The following ARAP2 variants were observed in gnomAD, a reference collection of about 807,000 sequenced individuals.
ARAP2 encodes the protein arf-GAP with Rho-GAP domain, ANK repeat and PH domain-containing protein 2.
In ARAP2, 148 loss-of-function variants were observed where a neutral mutation model predicts 194.5. The observed-to-expected ratio is 0.76, with a 90% CI of 0.67 to 0.87. The LOEUF (loss-of-function observed/expected upper bound fraction) is 0.87. Among genes scored for constraint, ARAP2 ranks in the 40% least tolerant of loss-of-function variants. The pLI is 0.00. For missense variants in ARAP2, 2,128 were observed against 1,989.7 expected (o/e 1.07, Z -1.32); for synonymous variants, 695 against 683.5 (o/e 1.02, Z -0.26).
intron 11 of ARAP2, among the ~76,000 whole-genome samples, chr4:36,163,009 C>T (rs982726493): frequency 1.6e-4 from 24 of 152,102 alleles, no homozygotes; most frequent in East Asian, 1.9e-4. Flanking sequence ...AGGGGAACAA[C>T]GATGGCTCCA....
At chr4:36,082,319 T>A in intron 29 of ARAP2, 33 bp from the exon 30 acceptor site, 1 of 1,587,430 alleles carries the variant, frequency 6.3e-7, no homozygotes, top group Non-Finnish European at 8.6e-7. Flanking sequence ...CACACATAAA[T>A]TAAAAATAAT....
intron 21 of ARAP2, among the ~76,000 whole-genome samples, chr4:36,127,358 T>C (rs547786184): frequency 7.9e-5 from 12 of 152,160 alleles, no homozygotes; most frequent in Admixed American, 3.9e-4. Context: ...CCTACTGATT[T>C]GAGAAACATT....
At chr4:36,170,077 C>A (rs1476039684) in intron 9 of ARAP2, among the ~76,000 whole-genome samples, 1 of 152,168 alleles carries the variant, frequency 6.6e-6, no homozygotes, top group Admixed American at 6.5e-5. Flanking sequence ...TAGATACTCA[C>A]AAAAATTACC....
At chr4:36,111,968 T>C (rs944706804) in intron 26 of ARAP2, among the ~76,000 whole-genome samples, 3 of 152,076 alleles carry the variant, frequency 2.0e-5, no homozygotes, top group African/African-American at 7.2e-5. Context: ...TATCAAACTT[T>C]TAAAAAGCAA....
At chr4:36,242,696 G>A (rs1481165781) in intron 1 of ARAP2, among the ~76,000 whole-genome samples, 1 of 152,224 alleles carries the variant, frequency 6.6e-6, no homozygotes, top group African/African-American at 2.4e-5. Flanking sequence ...AGAAAAACAA[G>A]AATTTGTTTT....
At chr4:36,204,391 A>C (rs1745078802) in intron 6 of ARAP2, among the ~76,000 whole-genome samples, 1 of 152,228 alleles carries the variant, frequency 6.6e-6, no homozygotes, top group Admixed American at 6.5e-5. Context: ...ACATCTTCAA[A>C]CATGGAAGAT....
intron 19 of ARAP2, among the ~76,000 whole-genome samples, chr4:36,137,647 T>G (rs746993267): frequency 6.6e-6 from 1 of 151,712 alleles, no homozygotes; most frequent in Admixed American, 6.6e-5. Flanking sequence ...TGCCAAGTTT[T>G]TTTTTCCATA....
intron 5 of ARAP2, among the ~76,000 whole-genome samples, chr4:36,045,439 C>A (rs1721634770): frequency 6.6e-6 from 1 of 151,828 alleles, no homozygotes; most frequent in Admixed American, 6.6e-5. Flanking sequence ...AACTTAGGCA[C>A]AGATAGATAA....
At chr4:36,236,152 C>A (rs902321531) in intron 1 of ARAP2, among the ~76,000 whole-genome samples, 9 of 146,074 alleles carry the variant, frequency 6.2e-5, no homozygotes, top group Non-Finnish European at 1.2e-4. Context: ...GAACTCCAGT[C>A]TGGGCAACAG....
intron 2 of ARAP2, among the ~76,000 whole-genome samples, chr4:36,218,916 G>T (rs1292485994): frequency 2.0e-5 from 3 of 152,056 alleles, no homozygotes; most frequent in Non-Finnish European, 4.4e-5. Context: ...ATAGGTGAAA[G>T]ATCTGAAAAG....
At chr4:36,129,984 C>G (rs762157706) in intron 20 of ARAP2, among the ~76,000 whole-genome samples, 1 of 151,908 alleles carries the variant, frequency 6.6e-6, no homozygotes, top group African/African-American at 2.4e-5. Flanking sequence ...TTTGGCATTG[C>G]CTTCTCCCTA....
At chr4:36,102,525 T>C (rs1048740788) in intron 27 of ARAP2, among the ~76,000 whole-genome samples, 1 of 151,984 alleles carries the variant, frequency 6.6e-6, no homozygotes, top group African/African-American at 2.4e-5. Context: ...TATAGCCTTG[T>C]TAAAGAAGGA....
chr4:36,024,387 T>C (rs1560281579), intron 5 of ARAP2, among the ~76,000 whole-genome samples: 1 of 152,184 alleles, frequency 6.6e-6, no homozygotes, highest in Non-Finnish European at 1.5e-5. Flanking sequence ...TCTACTGAAA[T>C]AAGTGTAAGA....
intron 8 of ARAP2, among the ~76,000 whole-genome samples, chr4:36,183,334 C>T (rs192837752): frequency 1.3e-5 from 2 of 151,972 alleles, no homozygotes; most frequent in Admixed American, 6.5e-5. Flanking sequence ...ATCAGAGCTG[C>T]CACTGGATGG....
At chr4:36,117,590 T>C (rs944629180) in intron 24 of ARAP2, among the ~76,000 whole-genome samples, 1 of 151,660 alleles carries the variant, frequency 6.6e-6, no homozygotes, top group African/African-American at 2.4e-5. Context: ...AGGCAAATTA[T>C]GGCTTGCTAC....
intron 15 of ARAP2, 74 bp from the exon 16 acceptor site, chr4:36,151,118 C>T: frequency 7.8e-7 from 1 of 1,287,950 alleles, no homozygotes; most frequent in Non-Finnish European, 1.1e-6. Context: ...AAACATACTT[C>T]TAAATAATGG....
At chr4:36,201,469 G>A (rs1744349535) in intron 6 of ARAP2, among the ~76,000 whole-genome samples, 1 of 152,130 alleles carries the variant, frequency 6.6e-6, no homozygotes, top group Non-Finnish European at 1.5e-5. Flanking sequence ...ATTAGCCTGA[G>A]TTTTATCTCA....
intron 16 of ARAP2, among the ~76,000 whole-genome samples, chr4:36,150,577 G>A (rs1388578038): frequency 6.6e-6 from 1 of 151,922 alleles, no homozygotes; most frequent in Non-Finnish European, 1.5e-5. Context: ...AGGAGGCGGA[G>A]GTTGCAGTGA....
chr4:36,099,824 A>G (rs1238893548), intron 27 of ARAP2, among the ~76,000 whole-genome samples: 4 of 152,088 alleles, frequency 2.6e-5, no homozygotes, highest in Non-Finnish European at 5.9e-5. Context: ...TGGATGTGGT[A>G]TATAAATTGC....
Sources: allele counts gnomAD v4.1 joint callset (sites outside exome capture counted in the v4.1 genomes callset), GRCh38; gene constraint gnomAD v4.1.1; transcripts MANE v1.5; gene names NCBI Gene and HGNC (gene_info 2026-07-23, HGNC 2026-07-21).